Variants in SCOC observed in about 807,000 individuals in gnomAD.
SCOC encodes the protein short coiled-coil protein, also known as short coiled coil protein.
In SCOC, 7 loss-of-function variants were observed where a neutral mutation model predicts 9.9. The observed-to-expected ratio is 0.71, with a 90% confidence interval of 0.40 to 1.33. SCOC has a LOEUF of 1.33. Among genes scored for constraint, SCOC ranks in the 40% most tolerant of loss-of-function variants. The probability of loss-of-function intolerance (pLI) is 0.01; values close to 1 mark genes in which losing one functional copy is unlikely to be tolerated. For missense variants in SCOC, 66 were observed against 89.7 expected (o/e 0.74, Z 1.07); for synonymous variants, 19 against 28.2 (o/e 0.67, Z 1.03).
At chr4:140,371,941 A>G (rs1728075339), upstream of SCOC, among the ~76,000 whole-genome samples, 1 of 152,266 alleles carries the variant, frequency 6.6e-6, no homozygotes, top group South Asian at 2.1e-4. Flanking sequence ...CAGCCTTAAA[A>G]AGGAAGTTCT....
At chr4:140,270,854 T>C (rs1730828723) in intron 1 of SCOC, among the ~76,000 whole-genome samples, 1 of 152,124 alleles carries the variant, frequency 6.6e-6, no homozygotes, top group South Asian at 2.1e-4. Flanking sequence ...ACCTGCTTGA[T>C]ACAGATAGAT....
At chr4:140,302,666 G>A (rs994574301) in intron 1 of SCOC, among the ~76,000 whole-genome samples, 12 of 152,148 alleles carry the variant, frequency 7.9e-5, no homozygotes, top group Admixed American at 3.9e-4. Context: ...TGATAATCAC[G>A]TGATTTGCTA....
At chr4:140,359,876 C>T (rs1021729924) in intron 2 of SCOC, among the ~76,000 whole-genome samples, 1 of 152,216 alleles carries the variant, frequency 6.6e-6, no homozygotes, top group Non-Finnish European at 1.5e-5. Flanking sequence ...CATACATGCT[C>T]TTCCTCCGCA....
chr4:140,307,713 C>T (rs982022336), intron 1 of SCOC, among the ~76,000 whole-genome samples: 9 of 152,096 alleles, frequency 5.9e-5, no homozygotes, highest in Non-Finnish European at 1.2e-4. Context: ...CTATCAAGGC[C>T]GGATGGACAC....
intron 2 of SCOC, chr4:140,366,673 T>C (rs72939837): frequency 1.0e-5 from 16 of 1,599,502 alleles, no homozygotes; most frequent in African/African-American, 4.0e-5. Context: ...GTGTGGAAAC[T>C]TGAGGTTGAA....
At chr4:140,310,506 T>C (rs1560694881) in intron 1 of SCOC, among the ~76,000 whole-genome samples, 1 of 152,236 alleles carries the variant, frequency 6.6e-6, no homozygotes, top group Non-Finnish European at 1.5e-5. Context: ...GTGCAATGTG[T>C]CTGTAAAGCA....
intron 1 of SCOC, among the ~76,000 whole-genome samples, chr4:140,268,771 C>A (rs944736573): frequency 6.6e-6 from 1 of 152,144 alleles, no homozygotes; most frequent in South Asian, 2.1e-4. Context: ...TGTTCATTCT[C>A]CCATCCCAAC....
chr4:140,308,279 G>T (rs1434807423), intron 1 of SCOC, among the ~76,000 whole-genome samples: 1 of 152,102 alleles, frequency 6.6e-6, no homozygotes, highest in African/African-American at 2.4e-5. Flanking sequence ...CCAAGTCAGC[G>T]TTTGCCTTTC....
chr4:140,352,602 C>G lies in SCOC; in HGVS notation c.70+8894C>G, dbSNP rs1578844937. On this transcript the variant is annotated intron_variant, in intron 2 of 4. Transcript: ENST00000338517. ...CTTCAATCAGAAGAAATCCACTTAA[C>G]TGAAATAAATGATCTAGCATAAAGC... Among the ~76,000 whole-genome samples, 6 of 152,292 alleles carry G rather than the reference C, an allele frequency of 3.9e-5. 1 individual carries two copies. Among genetic ancestry groups the G allele is most frequent in the Admixed American group, 3.9e-4 (6 of 15,292 alleles).
chr4:140,319,374 A>G (rs1392818197), intron 1 of SCOC, among the ~76,000 whole-genome samples: 2 of 152,168 alleles, frequency 1.3e-5, no homozygotes, highest in Non-Finnish European at 2.9e-5. Flanking sequence ...TACAGGCATG[A>G]GCCACTGTGC....
At chr4:140,359,583 T>C (rs914231503) in intron 2 of SCOC, among the ~76,000 whole-genome samples, 11 of 152,178 alleles carry the variant, frequency 7.2e-5, no homozygotes, top group Non-Finnish European at 1.5e-4. Context: ...TTTGTGACCA[T>C]TTAAAAAATC....
intron 1 of SCOC, among the ~76,000 whole-genome samples, chr4:140,258,139 C>G (rs1369409019): frequency 6.6e-6 from 1 of 152,206 alleles, no homozygotes; most frequent in Non-Finnish European, 1.5e-5. Flanking sequence ...CTCTTTCCAC[C>G]CTCCGCCAAG....
rs1227331343 is a variant in SCOC at position 140,373,690 on chromosome 4, C to T, written c.-78C>T. 5.8e-6 allele frequency: 9 copies of T among 1,549,864 alleles called. No homozygotes were observed. The highest frequency in any genetic ancestry group is 3.9e-5 in the Admixed American group (2 of 50,992). On this transcript the variant is annotated 5_prime_UTR_variant, in exon 1 of 4. Transcript: ENST00000608372. ...CCGGCCTGAGGTGTCGGCCGGATCCCTCCTTCTCCCGGCGCCTCAAGCGGA... is the reference window on the plus strand; with the variant it reads ...CCGGCCTGAGGTGTCGGCCGGATCCTTCCTTCTCCCGGCGCCTCAAGCGGA...
Position 140,379,549 on chromosome 4 carries a change from T to C in SCOC, c.23-20T>C. The C allele has an allele frequency of 6.3e-7, 1 of 1,577,262 alleles. No individual in the cohort carries two copies. Among genetic ancestry groups the C allele is most frequent in the East Asian group, 2.2e-5 (1 of 44,580 alleles). On this transcript the variant is annotated intron_variant, in intron 2 of 3. Coordinates refer to ENST00000608372, the MANE Select transcript of SCOC (RefSeq NM_001153484.2). The stretch of plus-strand genomic sequence containing the variant: ...GTACCTAATGCTAATTAATAGTAAA[T>C]TTGAACCTTTATATTACAGCAGTTG...
upstream of SCOC, chr4:140,369,257 T>A (rs1489832819): frequency 4.5e-6 from 2 of 449,236 alleles, no homozygotes; most frequent in African/African-American, 4.0e-5. Context: ...AGTATACAAT[T>A]ACGTCTAGTT....
At chr4:140,300,325 G>C (rs1188727731) in intron 1 of SCOC, among the ~76,000 whole-genome samples, 1 of 152,160 alleles carries the variant, frequency 6.6e-6, no homozygotes, top group Admixed American at 6.5e-5. Flanking sequence ...AGTCTGCCCT[G>C]CTCAGGAGGA....
chr4:140,287,277 A>G (rs180710496), intron 1 of SCOC, among the ~76,000 whole-genome samples: 68 of 148,022 alleles, frequency 4.6e-4, no homozygotes, highest in Non-Finnish European at 8.7e-4. Flanking sequence ...TCATGTGCAC[A>G]TGCCACACAG....
At chr4:140,349,030 G>A (rs1025662495) in intron 2 of SCOC, among the ~76,000 whole-genome samples, 3 of 152,030 alleles carry the variant, frequency 2.0e-5, no homozygotes, top group Admixed American at 2.0e-4. Flanking sequence ...ATCTATTTAG[G>A]CTCATTACCC....
At chr4:140,368,108 T>C (rs1727881032) in intron 2 of SCOC, among the ~76,000 whole-genome samples, 1 of 152,214 alleles carries the variant, frequency 6.6e-6, no homozygotes, top group Middle Eastern at 3.2e-3. Context: ...TAGCTCACGA[T>C]ATAGTCACAA....
Sources: gnomAD v4.1 joint callset for allele counts (sites outside exome capture counted in the v4.1 genomes callset) on GRCh38, gnomAD v4.1.1 for gene constraint, MANE v1.5 for transcripts, NCBI Gene and HGNC (gene_info 2026-07-23, HGNC 2026-07-21) for gene names.